The following CASP4 variants were observed in gnomAD, a reference collection of about 807,000 sequenced individuals.
The protein encoded by CASP4 is caspase 4, also known as caspase-4.
Under a neutral mutation model 41.3 loss-of-function variants are expected in CASP4, and 29 were observed. The observed-to-expected ratio is 0.70, with a 90% CI of 0.52 to 0.96. The LOEUF (loss-of-function observed/expected upper bound fraction) is 0.96, where lower values mean the gene tolerates loss of function less well. CASP4 is among the 40% of genes least tolerant of loss of function. The pLI, the probability that CASP4 is intolerant of heterozygous loss-of-function variation, is 0.00. For synonymous variants in CASP4, 185 were observed against 158.4 expected, an observed-to-expected ratio of 1.17 and a Z score of -1.26; for missense variants, 447 against 460.6, an observed-to-expected ratio of 0.97 and a Z score of 0.27.
At chr11:104,956,954 C>T (rs1407821409) in intron 1 of CASP4, among the ~76,000 whole-genome samples, 1 of 152,130 alleles carries the variant, frequency 6.6e-6, no homozygotes, top group Non-Finnish European at 1.5e-5. Context: ...ACACAGCTAA[C>T]ATCATACTCA....
At position 104,961,480 on chromosome 11, in the gene CASP4, A is replaced by G. The variant is rs553557933; in HGVS notation, c.8-6479T>C. On this transcript the variant is annotated intron_variant, in intron 1 of 8. Coordinates refer to ENST00000444739, the MANE Select transcript of CASP4 (RefSeq NM_001225.4). ...CTTCTCTCGACTTGTCTGTAGCTCT[A>G]TGATGGGGTGTCTGTAGCCCCATTG... Among the ~76,000 whole-genome samples the G allele has an allele frequency of 2.9e-4, 44 of 151,856 alleles. No individual in the cohort carries two copies. The South Asian group carries it at 5.8e-3, about 20-fold the overall frequency.
chr11:104,962,907 C>T (rs1860892600), intron 1 of CASP4, among the ~76,000 whole-genome samples: 1 of 152,192 alleles, frequency 6.6e-6, no homozygotes, highest in African/African-American at 2.4e-5. Flanking sequence ...TCCCCCACAA[C>T]CCCATGGATA....
intron 1 of CASP4, among the ~76,000 whole-genome samples, chr11:104,964,918 A>T (rs547265648): frequency 2.0e-5 from 3 of 152,354 alleles, no homozygotes; most frequent in African/African-American, 4.8e-5. Flanking sequence ...AATAAAAAAT[A>T]ATTATTCTTG....
chr11:104,964,514 T>C (rs1258449539), intron 1 of CASP4, among the ~76,000 whole-genome samples: 1 of 152,230 alleles, frequency 6.6e-6, no homozygotes, highest in Non-Finnish European at 1.5e-5. Flanking sequence ...GTTAATTCCA[T>C]AAGCACAATA....
rs1429941836 is a variant in CASP4, at chr11:104,951,046, C to T, written c.425G>A (p.Cys142Tyr). The T allele has an allele frequency of 1.2e-6, 2 of 1,613,408 alleles. No homozygotes were observed. Among genetic ancestry groups the T allele is most frequent in the Non-Finnish European group, 1.7e-6 (2 of 1,179,550 alleles). ...NNRTRLALII[C>Y]NTEFDHLPPR... ...AGGCAGATGGTCAAACTCTGTATTG[C>T]ATATGATGAGAGCCAGGCGTGTGCG... The change falls in exon 4 of 9, where the codon TGC becomes TAC. Residue 142 changes from cysteine (C) to tyrosine (Y), a missense_variant. Cys to Tyr is a radical substitution (Grantham distance 194, BLOSUM62 -2). Transcript: ENST00000444739.
chr11:104,956,649 G>T (rs562812423), intron 1 of CASP4: 3 of 984,866 alleles, frequency 3.0e-6, no homozygotes, highest in South Asian at 9.4e-5. Flanking sequence ...TATTTAAGGG[G>T]CTCAGAAAAC....
chr11:104,943,852 G>T (rs1860384480), intron 8 of CASP4: 1 of 152,106 alleles, frequency 6.6e-6, no homozygotes, highest in African/African-American at 2.4e-5. Context: ...TAAAAATTAT[G>T]TGGTAAATGT....
At chr11:104,960,215 G>T (rs897428013) in intron 1 of CASP4, among the ~76,000 whole-genome samples, 1 of 152,000 alleles carries the variant, frequency 6.6e-6, no homozygotes, top group Non-Finnish European at 1.5e-5. Context: ...AGATTAGATG[G>T]CACCTTTCTC....
chr11:104,946,540 A>G (rs1428982361), intron 7 of CASP4: 4 of 152,276 alleles, frequency 2.6e-5, no homozygotes, highest in African/African-American at 9.6e-5. Context: ...TTGGGCAAGA[A>G]GTAGCAAACC....
rs774457287 is a variant in CASP4, at chr11:104,947,088, G to T, written c.1030C>A (p.Arg344=). 2.5e-6 allele frequency: 4 copies of T among 1,594,998 alleles called. No individual in the cohort carries two copies. Among genetic ancestry groups the T allele is most frequent in the East Asian group, 2.2e-5 (1 of 44,718 alleles). ...ACTAGAAAAGAGACACTTACCTTCC[G>T]AAATACTTCCTCTAGGTGGCAGCAC... The part of the protein sequence containing the change: ...SWCCHLEEVF[R]KVQQSFETPR... The change falls in exon 7 of 9, where the codon CGG becomes AGG. Residue 344 remains arginine, a synonymous_variant. Coordinates refer to ENST00000444739, the MANE Select transcript of CASP4 (RefSeq NM_001225.4).
chr11:104,950,948 C>T lies in CASP4; in HGVS notation c.523G>A (p.Val175Ile), dbSNP rs1298466959. 2 of 1,612,316 alleles carry T rather than the reference C, an allele frequency of 1.2e-6. No homozygotes were observed. Among genetic ancestry groups the T allele is most frequent in the East Asian group, 4.5e-5 (2 of 44,834 alleles). The change falls in exon 4 of 9, where the codon GTA (valine) becomes ATA (isoleucine). Residue 175 changes from valine to isoleucine, a missense_variant. Coordinates refer to ENST00000444739, the MANE Select transcript of CASP4 (RefSeq NM_001225.4). Reference sequence around the variant, plus strand: ...ACCCTGGCTGTCAGATTCTCTTCTACATCTACACTATAGTCCAGACCCTCA... The same window carrying T: ...ACCCTGGCTGTCAGATTCTCTTCTATATCTACACTATAGTCCAGACCCTCA... ...LLEGLDYSVD[V>I]EENLTARDME...
At chr11:104,945,741 T>C (rs1207773735) in intron 7 of CASP4, among the ~76,000 whole-genome samples, 1 of 152,210 alleles carries the variant, frequency 6.6e-6, no homozygotes, top group Non-Finnish European at 1.5e-5. Flanking sequence ...TCCAAGAAGA[T>C]TTAAAAGATT....
At chr11:104,949,855 A>T (rs945062411) in intron 4 of CASP4, 78 bp from the exon 5 acceptor site, 2 of 1,357,722 alleles carry the variant, frequency 1.5e-6, no homozygotes, top group African/African-American at 2.9e-5. Context: ...CATGAGCGAA[A>T]CAAGAAACAT....
chr11:104,958,226 G>A (rs609092), intron 1 of CASP4, among the ~76,000 whole-genome samples: 95,973 of 152,016 alleles, frequency 0.63, 30,749 homozygotes, highest in Middle Eastern at 0.82. Flanking sequence ...GGTCTAGACA[G>A]TGATTTTTGG....
chr11:104,953,566 C>A (rs927376829), intron 2 of CASP4, among the ~76,000 whole-genome samples: 1 of 152,156 alleles, frequency 6.6e-6, no homozygotes, highest in African/African-American at 2.4e-5. Flanking sequence ...TTCTTATAAT[C>A]TTGGACAACT....
intron 4 of CASP4, among the ~76,000 whole-genome samples, chr11:104,950,297 A>G (rs532595732): frequency 6.6e-6 from 1 of 152,242 alleles, no homozygotes; most frequent in Admixed American, 6.5e-5. Flanking sequence ...AAGGCGCTGC[A>G]TTCATGTCTT....
chr11:104,956,032 T>G (rs2134648136), intron 1 of CASP4, among the ~76,000 whole-genome samples: 1 of 152,106 alleles, frequency 6.6e-6, no homozygotes, highest in East Asian at 1.9e-4. Context: ...GAGAAAAACA[T>G]TAGACATTAC....
At chr11:104,944,643 C>T in intron 8 of CASP4, 105 bp downstream of exon 8, 1 of 705,872 alleles carries the variant, frequency 1.4e-6, no homozygotes, top group Non-Finnish European at 2.5e-6. Context: ...ACAAAAACAC[C>T]AATTTGACCA....
rs12286878 is a variant in CASP4 at position 104,945,339 on chromosome 11, G to A, written c.1036-488C>T. Among the ~76,000 whole-genome samples, 1,380 of 150,194 alleles carry A rather than the reference G, an allele frequency of 9.2e-3. 6 individuals carry two copies. Among genetic ancestry groups the A allele is most frequent in the Non-Finnish European group, 0.014 (919 of 67,794 alleles). On this transcript the variant is annotated intron_variant, in intron 7 of 8. Transcript: ENST00000444739. ...GCAACCTCGGCTCACTGCAACCTCC[G>A]CCTCCAGAGTTCAAGCAATTCTCCT...
Sources: allele counts gnomAD v4.1 joint callset (sites outside exome capture counted in the v4.1 genomes callset), GRCh38; gene constraint gnomAD v4.1.1; transcripts MANE v1.5; gene names NCBI Gene and HGNC (gene_info 2026-07-23, HGNC 2026-07-21).